NECAP1: variants seen among roughly 807,000 people sequenced by gnomAD.
The protein encoded by NECAP1 is NECAP endocytosis associated 1.
Under a neutral mutation model 33.4 loss-of-function variants are expected in NECAP1, and 13 were observed. The ratio of observed to expected loss-of-function variants is 0.39; its 90% CI spans 0.25 to 0.62. The LOEUF (loss-of-function observed/expected upper bound fraction) is 0.62, where lower values mean the gene tolerates loss of function less well. Ranked by LOEUF, NECAP1 falls within the 20% of genes least tolerant of loss-of-function variation. NECAP1 has a pLI of 0.52. For missense variants in NECAP1, 272 were observed against 347.4 expected, an observed-to-expected ratio of 0.78 and a Z score of 1.73; for synonymous variants, 109 against 125.2, an observed-to-expected ratio of 0.87 and a Z score of 0.86.
At chr12:8,085,486 G>T (rs1168262429) in intron 1 of NECAP1, among the ~76,000 whole-genome samples, 2 of 151,862 alleles carry the variant, frequency 1.3e-5, no homozygotes, top group Non-Finnish European at 2.9e-5. Context: ...ATGTCTACTG[G>T]CATTTTTTAT....
intron 6 of NECAP1, 163 bp from the exon 7 acceptor site, chr12:8,095,438 C>T (rs1210330715): frequency 7.2e-6 from 3 of 415,412 alleles, no homozygotes; most frequent in Admixed American, 3.5e-5. Flanking sequence ...TTAGTAGAGA[C>T]GGGGTTTCAC....
At chr12:8,082,754 C>A in intron 1 of NECAP1, 1 of 124,692 alleles carries the variant, frequency 8.0e-6, no homozygotes, top group Non-Finnish European at 1.6e-5. Context: ...TCATCCTCAT[C>A]CTTTCTCTCT....
Position 8,082,297 on chromosome 12 carries a change from C to G in NECAP1, c.9C>G (p.Thr3=), listed in dbSNP as rs751163678. The G allele has an allele frequency of 1.3e-6, 2 of 1,593,266 alleles. No homozygotes were observed. Among genetic ancestry groups the G allele is most frequent in the South Asian group, 1.1e-5 (1 of 90,512 alleles). Residue 3 remains threonine, a synonymous_variant, in exon 1 of 8, where the codon ACC becomes ACG. Transcript: ENST00000339754. ...CCGACAGCGGACCCAAGATGGCGAC[C>G]GAGTTGGAGTACGAGTCTGTGCTGT... The part of the protein sequence containing the change: MA[T]ELEYESVLCV...
At position 8,092,915 on chromosome 12, in the gene NECAP1, C is replaced by G. The variant is rs1947562770; in HGVS notation, c.536C>G (p.Ala179Gly). The G allele has an allele frequency of 4.4e-6, 7 of 1,585,764 alleles. No individual in the cohort carries two copies. Among genetic ancestry groups the G allele is most frequent in the Non-Finnish European group, 6.0e-6 (7 of 1,167,568 alleles). Residue 179 changes from alanine to glycine, a missense_variant, in exon 6 of 8, where the codon GCA becomes GGA. By Grantham distance (60) the Ala-to-Gly change is moderately conservative (BLOSUM62 0). Transcript: ENST00000339754. ...GGAGGTGCTTCTAAGCCCAGGACTG[C>G]AAGGGGTGGGGGTCTGAGCTTACTC... is the stretch of plus-strand genomic sequence containing the variant. ...KKGGASKPRT[A>G]RGGGLSLLPP...
chr12:8,092,934 C>T lies in NECAP1; in HGVS notation c.555C>T (p.Ser185=). The T allele has an allele frequency of 6.2e-7, 1 of 1,601,512 alleles. No homozygotes were observed. Among genetic ancestry groups the T allele is most frequent in the Non-Finnish European group, 8.5e-7 (1 of 1,174,162 alleles). The change falls in exon 6 of 8, where the codon AGC becomes AGT. Residue 185 remains serine (S), a synonymous_variant. Transcript: ENST00000339754. ...GGACTGCAAGGGGTGGGGGTCTGAG[C>T]TTACTCCCACCCCCGCCAGGAGGCA... ...KPRTARGGGL[S]LLPPPPGGKV... is the part of the protein sequence containing the mutation.
At position 8,094,306 on chromosome 12, in the gene NECAP1, C is replaced by T. The variant is rs1341380179; in HGVS notation, c.676+1251C>T. ...ATGAAGAGATCCTGTTTACCCTTTT[C>T]CCAGTTTCCCTCAATTGGTAATATT... On this transcript the variant is annotated intron_variant, in intron 6 of 7. Transcript: ENST00000339754. Among the ~76,000 whole-genome samples, 3 of 152,096 alleles carry T rather than the reference C, an allele frequency of 2.0e-5. No homozygotes were observed. In the East Asian group the frequency reaches 5.8e-4, roughly 29 times the overall value.
At chr12:8,087,510 G>A (rs941339991) in intron 1 of NECAP1, among the ~76,000 whole-genome samples, 1 of 148,750 alleles carries the variant, frequency 6.7e-6, no homozygotes, top group Non-Finnish European at 1.5e-5. Flanking sequence ...ACATTTAATA[G>A]ACTTGTTCCT....
Position 8,085,686 on chromosome 12 carries a change from C to CTTCTTTTTTTTTTTTTTTT in NECAP1, c.95+3305_95+3306insCTTTTTTTTTTTTTTTTTT, listed in dbSNP as rs1947481617. ...TTGTAGGATCCTCTCACTTAATCTT[C>CTTCTTTTTTTTTTTTTTTT]TTTTTTTTTTTTTTTTTTTTTTTTT... is the stretch of plus-strand genomic sequence containing the variant. On this transcript the variant is annotated intron_variant, in intron 1 of 7. Coordinates refer to ENST00000339754, the MANE Select transcript of NECAP1 (RefSeq NM_015509.4). Among the ~76,000 whole-genome samples, 12 of 104,810 alleles carry CTTCTTTTTTTTTTTTTTTT rather than the reference C, an allele frequency of 1.1e-4. 1 individual carries two copies. Among genetic ancestry groups the CTTCTTTTTTTTTTTTTTTT allele is most frequent in the Non-Finnish European group, 1.6e-4 (9 of 57,056 alleles). 68.8% of individuals were successfully genotyped at this position (104,810 alleles called of 152,430 possible). A position where few individuals can be genotyped will look rare whatever the true frequency, so the allele number is the denominator to read the frequency against.
At chr12:8,091,925 C>G (rs781516159) in intron 4 of NECAP1, 75 bp downstream of exon 4, 4 of 1,215,830 alleles carry the variant, frequency 3.3e-6, no homozygotes, top group African/African-American at 1.5e-5. Flanking sequence ...TGGGCAGTAT[C>G]TCTTTTCCTC....
Position 8,092,973 on chromosome 12 carries a change from C to T in NECAP1, c.594C>T (p.Pro198=), listed in dbSNP as rs1947563520. Residue 198 remains proline, a synonymous_variant, in exon 6 of 8, where the codon CCC becomes CCT. Coordinates refer to ENST00000339754, the MANE Select transcript of NECAP1 (RefSeq NM_015509.4). ...PPPPGGKVTI[P]PPSSSVAISN... ...CGCCAGGAGGCAAAGTCACTATTCCCCCACCATCCTCCTCAGTTGCCATCA... is the reference window on the plus strand; with the variant it reads ...CGCCAGGAGGCAAAGTCACTATTCCTCCACCATCCTCCTCAGTTGCCATCA... The T allele has an allele frequency of 6.2e-7, 1 of 1,612,200 alleles. No individual in the cohort carries two copies. Among genetic ancestry groups the T allele is most frequent in the Non-Finnish European group, 8.5e-7 (1 of 1,179,146 alleles).
At position 8,097,649 on chromosome 12, in the gene NECAP1, T is replaced by C. The variant is rs1289362854; in HGVS notation, c.*1559T>C. ...CTTCCTCCATGTTGTGTTCTTTGTA[T>C]TCTTGAGATGATAATATATTATGTA... On this transcript the variant is annotated 3_prime_UTR_variant, in exon 8 of 8. Transcript: ENST00000339754. The C allele has an allele frequency of 6.6e-6, 1 of 152,642 alleles. No individual in the cohort carries two copies. The highest frequency in any genetic ancestry group is 1.9e-4 in the East Asian group (1 of 5,200). 9.5% of individuals were successfully genotyped at this position (152,642 alleles called of 1,614,324 possible).
At position 8,091,762 on chromosome 12, in the gene NECAP1, T is replaced by C; in HGVS notation, c.302-7T>C. 3 of 1,613,828 alleles carry C rather than the reference T, an allele frequency of 1.9e-6. No homozygotes were observed. The highest frequency in any genetic ancestry group is 2.5e-6 in the Non-Finnish European group (3 of 1,179,932). ...TTCCTAGTCGAGTCTTCCTACGTTT[T>C]CCACAGGGCGCAGTGCTTTCATTGG... On this transcript the variant is annotated splice_region_variant and splice_polypyrimidine_tract_variant and intron_variant, in intron 3 of 7. Coordinates refer to ENST00000339754, the MANE Select transcript of NECAP1 (RefSeq NM_015509.4).
At chr12:8,084,064 C>T (rs1361181706) in intron 1 of NECAP1, among the ~76,000 whole-genome samples, 1 of 152,124 alleles carries the variant, frequency 6.6e-6, no homozygotes. Context: ...TTATTCTTCT[C>T]TCTGACCCAC....
At chr12:8,091,698 C>A in intron 3 of NECAP1, 71 bp from the exon 4 acceptor site, 1 of 1,356,454 alleles carries the variant, frequency 7.4e-7, no homozygotes, top group Admixed American at 1.8e-5. Context: ...AGGCCACAGA[C>A]TGGTGCCGGG....
chr12:8,087,745 G>C (rs891856944), intron 1 of NECAP1, among the ~76,000 whole-genome samples: 2 of 152,000 alleles, frequency 1.3e-5, no homozygotes, highest in Non-Finnish European at 2.9e-5. Context: ...ATTATAATAA[G>C]TAATAACTCA....
intron 1 of NECAP1, among the ~76,000 whole-genome samples, chr12:8,087,055 A>G (rs1372550332): frequency 6.6e-6 from 1 of 151,740 alleles, no homozygotes; most frequent in Non-Finnish European, 1.5e-5. Context: ...TAGCTAAATC[A>G]ATATTAACCT....
chr12:8,082,512 G>A, intron 1 of NECAP1, 129 bp downstream of exon 1: 1 of 785,178 alleles, frequency 1.3e-6, no homozygotes, highest in Non-Finnish European at 2.1e-6. Context: ...TCCCTACCTG[G>A]GTTGTCATCT....
Position 8,097,740 on chromosome 12 carries a change from C to T in NECAP1, c.*1650C>T, listed in dbSNP as rs761481956. On this transcript the variant is annotated 3_prime_UTR_variant, in exon 8 of 8. Transcript: ENST00000339754. ...ATATAAAGTGTATGCTGTATTGGTG[C>T]AATAATGGTAATTAAAAATATGAAA... is the stretch of plus-strand genomic sequence containing the variant. 1 of 152,502 alleles carries T rather than the reference C, an allele frequency of 6.6e-6. No individual in the cohort carries two copies. Among genetic ancestry groups the T allele is most frequent in the Non-Finnish European group, 1.5e-5 (1 of 68,014 alleles). The allele number at this position is 152,502 out of a possible 1,614,324, so 9.4% of individuals were successfully genotyped here.
At chr12:8,088,398 A>C (rs796118776) in intron 1 of NECAP1, among the ~76,000 whole-genome samples, 6 of 152,122 alleles carry the variant, frequency 3.9e-5, no homozygotes, top group African/African-American at 1.4e-4. Context: ...CCCCTATCTA[A>C]TCCATTAGAA....
Sources: gnomAD v4.1 joint callset for allele counts (sites outside exome capture counted in the v4.1 genomes callset) on GRCh38, gnomAD v4.1.1 for gene constraint, MANE v1.5 for transcripts, NCBI Gene and HGNC (gene_info 2026-07-23, HGNC 2026-07-21) for gene names.